TMEM232: variants seen among roughly 807,000 people sequenced by gnomAD.
TMEM232 encodes transmembrane protein 232.
TMEM232 carries 80 observed loss-of-function variants against 78.8 expected under a neutral mutation model. The observed-to-expected ratio is 1.01, with a 90% CI of 0.85 to 1.22. TMEM232 has a LOEUF of 1.22. Among genes scored for constraint, TMEM232 ranks in the 50% most tolerant of loss-of-function variants. The pLI, the probability that TMEM232 is intolerant of heterozygous loss-of-function variation, is 0.00. For synonymous variants in TMEM232, 297 were observed against 254.3 expected, an observed-to-expected ratio of 1.17 and a Z score of -1.60; for missense variants, 881 against 742.2, an observed-to-expected ratio of 1.19 and a Z score of -2.17.
At chr5:110,679,621 CT>C (rs1325205590) in intron 1 of TMEM232, among the ~76,000 whole-genome samples, 1 of 152,004 alleles carries the variant, frequency 6.6e-6, no homozygotes, top group African/African-American at 2.4e-5. Context: ...AGATTTTTAT[CT>C]GCATATAGAT....
chr5:110,435,956 A>G (rs944539237), intron 12 of TMEM232, among the ~76,000 whole-genome samples: 4 of 151,902 alleles, frequency 2.6e-5, no homozygotes, highest in African/African-American at 4.8e-5. Context: ...TGGATTTCCT[A>G]TTTCTTGAGT....
chr5:110,561,210 G>C (rs1432420003), intron 11 of TMEM232, among the ~76,000 whole-genome samples: 1 of 152,070 alleles, frequency 6.6e-6, no homozygotes, highest in Admixed American at 6.6e-5. Context: ...TGGGAAGAAT[G>C]TTTAAGAGCA....
intron 1 of TMEM232, among the ~76,000 whole-genome samples, chr5:110,673,444 A>G (rs916864992): frequency 6.6e-6 from 1 of 152,126 alleles, no homozygotes; most frequent in Non-Finnish European, 1.5e-5. Context: ...CCTAAAACTT[A>G]AAGTATAACT....
At chr5:110,548,892 A>T (rs1774108019) in intron 11 of TMEM232, among the ~76,000 whole-genome samples, 1 of 152,058 alleles carries the variant, frequency 6.6e-6, no homozygotes, top group Non-Finnish European at 1.5e-5. Context: ...TTAATTTAAA[A>T]ATCATAATGA....
At chr5:110,503,268 C>A (rs531372972) in intron 12 of TMEM232, among the ~76,000 whole-genome samples, 1 of 152,056 alleles carries the variant, frequency 6.6e-6, no homozygotes, top group Non-Finnish European at 1.5e-5. Context: ...TGGAAAGTAA[C>A]AACTACATGA....
chr5:110,651,967 T>G (rs1788374670), intron 2 of TMEM232, among the ~76,000 whole-genome samples: 1 of 152,176 alleles, frequency 6.6e-6, no homozygotes, highest in Non-Finnish European at 1.5e-5. Flanking sequence ...ACATAGAATT[T>G]GCTTAACAAA....
intron 11 of TMEM232, among the ~76,000 whole-genome samples, chr5:110,562,593 A>G (rs902990282): frequency 6.6e-6 from 1 of 152,018 alleles, no homozygotes; most frequent in Non-Finnish European, 1.5e-5. Flanking sequence ...AGCCACATAT[A>G]TTATGTCCTT....
intron 11 of TMEM232, among the ~76,000 whole-genome samples, chr5:110,563,885 T>C (rs909781746): frequency 6.6e-6 from 1 of 152,014 alleles, no homozygotes; most frequent in Non-Finnish European, 1.5e-5. Context: ...GATTGTCTTT[T>C]TCCAAGAAAA....
At chr5:110,599,314 A>G (rs1409036566) in intron 10 of TMEM232, among the ~76,000 whole-genome samples, 12 of 152,186 alleles carry the variant, frequency 7.9e-5, no homozygotes. Context: ...AAATTCACAC[A>G]TAACAATATT....
intron 1 of TMEM232, among the ~76,000 whole-genome samples, chr5:110,700,262 A>G (rs1795279328): frequency 6.6e-6 from 1 of 152,080 alleles, no homozygotes; most frequent in African/African-American, 2.4e-5. Context: ...TTCAAACAAT[A>G]TTTGGGAATG....
chr5:110,617,282 G>A (rs12186893), intron 8 of TMEM232, among the ~76,000 whole-genome samples: 13,509 of 152,176 alleles, frequency 0.089, 625 homozygotes, highest in Admixed American at 0.12. Context: ...TAAGGAAGAT[G>A]GGCAAAAGAG....
intron 12 of TMEM232, among the ~76,000 whole-genome samples, chr5:110,435,218 T>G (rs964200495): frequency 3.3e-5 from 5 of 151,900 alleles, no homozygotes; most frequent in African/African-American, 1.2e-4. Context: ...TTAAACAACT[T>G]CAGGAAAGTC....
intron 1 of TMEM232, among the ~76,000 whole-genome samples, chr5:110,689,980 T>A (rs951647011): frequency 6.6e-5 from 10 of 152,108 alleles, no homozygotes; most frequent in South Asian, 4.1e-4. Flanking sequence ...TATACAAAAA[T>A]TAACTCAAGA....
intron 2 of TMEM232, among the ~76,000 whole-genome samples, chr5:110,655,953 G>C (rs1788987055): frequency 6.7e-6 from 1 of 150,098 alleles, no homozygotes; most frequent in East Asian, 2.0e-4. Flanking sequence ...TATACCTAAT[G>C]CTAAATGACG....
intron 2 of TMEM232, among the ~76,000 whole-genome samples, chr5:110,659,407 A>C (rs551909888): frequency 3.3e-4 from 50 of 152,284 alleles, no homozygotes; most frequent in African/African-American, 1.1e-3. Context: ...GTTGGCCAAG[A>C]AAACTCAGGC....
chr5:110,436,123 T>C (rs1366945598), intron 12 of TMEM232, among the ~76,000 whole-genome samples: 1 of 151,996 alleles, frequency 6.6e-6, no homozygotes, highest in Non-Finnish European at 1.5e-5. Context: ...GCATTTGTTA[T>C]TGCCTAATTT....
At chr5:110,620,130 G>T (rs937048341) in intron 7 of TMEM232, among the ~76,000 whole-genome samples, 20 of 152,144 alleles carry the variant, frequency 1.3e-4, no homozygotes, top group African/African-American at 3.6e-4. Flanking sequence ...TTTAGACAAC[G>T]AACAAGATTT....
intron 1 of TMEM232, among the ~76,000 whole-genome samples, chr5:110,673,211 C>A (rs1791589474): frequency 6.6e-6 from 1 of 151,802 alleles, no homozygotes; most frequent in African/African-American, 2.4e-5. Flanking sequence ...GGACAAAAAA[C>A]CAAACACCGC....
At chr5:110,702,822 C>T (rs1304100290) in intron 1 of TMEM232, among the ~76,000 whole-genome samples, 1 of 151,996 alleles carries the variant, frequency 6.6e-6, no homozygotes, top group Non-Finnish European at 1.5e-5. Context: ...ACATAGTTAG[C>T]TTAGTTAACA....
Sources: allele counts gnomAD v4.1 joint callset (sites outside exome capture counted in the v4.1 genomes callset), GRCh38; gene constraint gnomAD v4.1.1; transcripts MANE v1.5; gene names NCBI Gene and HGNC (gene_info 2026-07-23, HGNC 2026-07-21).